Variants in SLC13A3 observed in about 807,000 individuals in gnomAD.
SLC13A3 encodes the protein Na(+)/dicarboxylate cotransporter 3.
Under a neutral mutation model 59.0 loss-of-function variants are expected in SLC13A3, and 40 were observed. The observed-to-expected ratio is 0.68, with a 90% CI of 0.53 to 0.88. SLC13A3 has a LOEUF of 0.88. Ranked by LOEUF, SLC13A3 falls within the 40% of genes least tolerant of loss-of-function variation. The pLI is 0.00. For synonymous variants in SLC13A3, 317 were observed against 330.3 expected, an observed-to-expected ratio of 0.96 and a Z score of 0.44; for missense variants, 699 against 783.2, an observed-to-expected ratio of 0.89 and a Z score of 1.28.
chr20:46,680,228 C>A (rs1229619819), intron 1 of SLC13A3, among the ~76,000 whole-genome samples: 2 of 152,184 alleles, frequency 1.3e-5, no homozygotes, highest in African/African-American at 4.8e-5. Context: ...GAATGGCAGC[C>A]TGGCAAGGTG....
chr20:46,662,737 G>A (rs1051321598), intron 1 of SLC13A3, among the ~76,000 whole-genome samples: 2 of 152,216 alleles, frequency 1.3e-5, no homozygotes, highest in African/African-American at 2.4e-5. Context: ...GCATGTTTGA[G>A]ACAGCACTCT....
chr20:46,610,315 T>C, intron 3 of SLC13A3, 131 bp downstream of exon 3: 1 of 861,516 alleles, frequency 1.2e-6, no homozygotes. Flanking sequence ...TTGTCATAAC[T>C]AAAACACCTG....
At chr20:46,599,944 C>A (rs778394089) in intron 4 of SLC13A3, 27 bp downstream of exon 4, 3 of 1,527,788 alleles carry the variant, frequency 2.0e-6, no homozygotes, top group Admixed American at 1.8e-5. Context: ...AGCACTGGGT[C>A]CTCTATGAAT....
chr20:46,560,470 T>C (rs1484407733), intron 12 of SLC13A3, among the ~76,000 whole-genome samples: 1 of 152,204 alleles, frequency 6.6e-6, no homozygotes, highest in Non-Finnish European at 1.5e-5. Context: ...AGGGTTATGC[T>C]GTTTAACCCA....
In SLC13A3 at chr20:46,675,571, T is replaced by G. The variant is rs371269488; in HGVS notation, c.-31+8825A>C. 1.9e-3 allele frequency among the ~76,000 whole-genome samples: 290 copies of G among 151,536 alleles called. 10 individuals are homozygous for G. In the South Asian group the frequency reaches 0.049, roughly 26 times the overall value. Reference sequence around the variant, plus strand: ...CCTTTTTTTTTCTTTCTTTCTTTTTTTTTTTTTAGTTTGTTTAATTTTGTT... The same window carrying G: ...CCTTTTTTTTTCTTTCTTTCTTTTTGTTTTTTTAGTTTGTTTAATTTTGTT... On this transcript the variant is annotated intron_variant, in intron 1 of 6. Transcript: ENST00000372121.
intron 10 of SLC13A3, among the ~76,000 whole-genome samples, chr20:46,568,594 T>C (rs1356456977): frequency 1.3e-5 from 2 of 152,156 alleles, no homozygotes; most frequent in Non-Finnish European, 2.9e-5. Flanking sequence ...GTTTGTCTGC[T>C]AGCCTGGGGA....
At chr20:46,624,951 G>C (rs2062653242) in intron 1 of SLC13A3, among the ~76,000 whole-genome samples, 1 of 151,920 alleles carries the variant, frequency 6.6e-6, no homozygotes, top group Non-Finnish European at 1.5e-5. Context: ...AAACCCAAGG[G>C]AAGGGCTGTG....
intron 1 of SLC13A3, among the ~76,000 whole-genome samples, chr20:46,638,818 G>C (rs918941075): frequency 6.6e-6 from 1 of 152,222 alleles, no homozygotes; most frequent in East Asian, 1.9e-4. Flanking sequence ...GATTCTCTGT[G>C]GGGGGCTGTC....
chr20:46,657,792 G>A (rs2063004094), intron 1 of SLC13A3, among the ~76,000 whole-genome samples: 2 of 152,140 alleles, frequency 1.3e-5, no homozygotes, highest in South Asian at 4.1e-4. Flanking sequence ...GGCGAACCAG[G>A]AGCAGGCAGG....
intron 1 of SLC13A3, among the ~76,000 whole-genome samples, chr20:46,665,079 T>G (rs527419058): frequency 2.0e-5 from 3 of 152,036 alleles, no homozygotes; most frequent in African/African-American, 4.8e-5. Flanking sequence ...ATAGTTCATA[T>G]AGCATATAAT....
chr20:46,618,541 T>C (rs1432895121), intron 1 of SLC13A3, among the ~76,000 whole-genome samples: 1 of 152,200 alleles, frequency 6.6e-6, no homozygotes, highest in Non-Finnish European at 1.5e-5. Flanking sequence ...TCGTGAGGGC[T>C]CTGCCCTCAC....
chr20:46,569,409 A>G (rs1283800876), intron 10 of SLC13A3, among the ~76,000 whole-genome samples: 1 of 152,200 alleles, frequency 6.6e-6, no homozygotes, highest in Admixed American at 6.5e-5. Flanking sequence ...CATGGCCAGA[A>G]GGTGAAGAGA....
intron 1 of SLC13A3, chr20:46,613,967 G>A (rs2062529679): frequency 2.2e-6 from 1 of 450,716 alleles, no homozygotes. Context: ...ATTATAAAAT[G>A]AGGAAGCTAT....
Position 46,575,660 on chromosome 20 carries a change from C to A in SLC13A3, c.1245G>T (p.Leu415Phe). The A allele has an allele frequency of 6.2e-7, 1 of 1,600,186 alleles. No homozygotes were observed. The highest frequency in any genetic ancestry group is 8.5e-7 in the Non-Finnish European group (1 of 1,173,010). The change falls in exon 10 of 13, where the codon TTG becomes TTT. Residue 415 changes from leucine to phenylalanine, a missense_variant. Leu to Phe is a conservative substitution (Grantham distance 22, BLOSUM62 0). Coordinates refer to ENST00000279027, the MANE Select transcript of SLC13A3 (RefSeq NM_022829.6). Reference protein sequence around the residue: ...FKAPNTETEPLLTWKKAQETV... With the variant: ...FKAPNTETEPFLTWKKAQETV... ...TCTCCTGGGCCTTCTTCCAGGTCAG[C>A]AAGGGCTCTGTCTCTGTGTTGGGAG...
At chr20:46,564,924 C>G (rs982292868) in intron 11 of SLC13A3, among the ~76,000 whole-genome samples, 8 of 152,208 alleles carry the variant, frequency 5.3e-5, no homozygotes, top group African/African-American at 1.9e-4. Context: ...TATCTGTGTG[C>G]TAACACAGAT....
intron 3 of SLC13A3, among the ~76,000 whole-genome samples, chr20:46,604,945 C>G (rs912085363): frequency 3.3e-5 from 5 of 152,204 alleles, no homozygotes; most frequent in African/African-American, 1.2e-4. Context: ...CTCTTCCCAC[C>G]TGGGTGCTGT....
Position 46,651,359 on chromosome 20 carries a change from C to T in SLC13A3, c.63G>A (p.Leu21=), listed in dbSNP as rs1057250498. ...CCGGCAGCAGCGCGAGCGGCGTGAA[C>T]AGCAGCACCAGCAGCCGCCGCGCGC... ...VWSARRLLVL[L]FTPLALLPVV... Residue 21 remains leucine (L), a synonymous_variant, in exon 1 of 13, where the codon CTG becomes CTA. Coordinates refer to ENST00000279027, the MANE Select transcript of SLC13A3 (RefSeq NM_022829.6). 4 of 1,511,806 alleles carry T rather than the reference C, an allele frequency of 2.6e-6. No individual in the cohort carries two copies. The highest frequency in any genetic ancestry group is 2.1e-5 in the Admixed American group (1 of 47,284). The allele number at this position is 1,511,806 out of a possible 1,614,324, so 93.6% of individuals were successfully genotyped here.
intron 1 of SLC13A3, among the ~76,000 whole-genome samples, chr20:46,657,135 T>A (rs2062999609): frequency 6.6e-6 from 1 of 151,994 alleles, no homozygotes; most frequent in African/African-American, 2.4e-5. Flanking sequence ...AAAAAGCTTT[T>A]GAGAAAAAGT....
intron 1 of SLC13A3, among the ~76,000 whole-genome samples, chr20:46,678,420 G>A (rs891931008): frequency 6.6e-6 from 1 of 152,196 alleles, no homozygotes; most frequent in African/African-American, 2.4e-5. Flanking sequence ...CTTTGGAGAC[G>A]TTTACCTGTG....
Sources: allele counts gnomAD v4.1 joint callset (sites outside exome capture counted in the v4.1 genomes callset), GRCh38; gene constraint gnomAD v4.1.1; transcripts MANE v1.5; gene names NCBI Gene and HGNC (gene_info 2026-07-23, HGNC 2026-07-21).